Variants in SMAD3 observed in about 807,000 individuals in gnomAD.
SMAD3 encodes SMAD family member 3.
SMAD3 carries 12 observed loss-of-function variants against 51.8 expected under a neutral mutation model. The observed-to-expected ratio is 0.23, with a 90% CI of 0.15 to 0.38. SMAD3 has a LOEUF of 0.38. Ranked by LOEUF, SMAD3 falls within the 10% of genes least tolerant of loss-of-function variation. The pLI, the probability that SMAD3 is intolerant of heterozygous loss-of-function variation, is 1.00. For synonymous variants in SMAD3, 238 were observed against 227.7 expected, an observed-to-expected ratio of 1.05 and a Z score of -0.41; for missense variants, 294 against 565.6, an observed-to-expected ratio of 0.52 and a Z score of 4.87.
intron 4 of SMAD3, among the ~76,000 whole-genome samples, chr15:67,168,279 C>T (rs1333104395): frequency 1.3e-5 from 2 of 152,200 alleles, no homozygotes; most frequent in Admixed American, 1.3e-4. Flanking sequence ...GAAAGAGACT[C>T]GCATGTACAT....
chr15:67,132,812 C>T (rs189073313), intron 1 of SMAD3, among the ~76,000 whole-genome samples: 1 of 152,172 alleles, frequency 6.6e-6, no homozygotes, highest in South Asian at 2.1e-4. Flanking sequence ...GCCGCACTCC[C>T]CACTCATCAC....
intron 1 of SMAD3, among the ~76,000 whole-genome samples, chr15:67,098,360 G>GAGCAAGCA (rs371793630): frequency 4.2e-5 from 5 of 117,984 alleles, no homozygotes; most frequent in African/African-American, 1.1e-4. Flanking sequence ...GAGAGCGAGC[G>GAGCAAGCA]AGCAAGCAAG....
At chr15:67,141,799 C>G (rs909617164) in intron 1 of SMAD3, among the ~76,000 whole-genome samples, 1 of 152,164 alleles carries the variant, frequency 6.6e-6, no homozygotes, top group African/African-American at 2.4e-5. Flanking sequence ...TAAATCTGCT[C>G]TGGTTCATGG....
chr15:67,129,844 T>G (rs576372215), intron 1 of SMAD3, among the ~76,000 whole-genome samples: 1 of 152,356 alleles, frequency 6.6e-6, no homozygotes, highest in African/African-American at 2.4e-5. Context: ...GATGTGTCCT[T>G]TATACTTGTG....
chr15:67,169,863 A>C (rs1370517454), intron 4 of SMAD3, among the ~76,000 whole-genome samples: 2 of 125,696 alleles, frequency 1.6e-5, no homozygotes, highest in African/African-American at 6.2e-5. Flanking sequence ...ATACCATGTG[A>C]GTTCTTTTTT....
chr15:67,171,284 G>A (rs921009848), intron 5 of SMAD3, among the ~76,000 whole-genome samples: 6 of 152,202 alleles, frequency 3.9e-5, no homozygotes, highest in African/African-American at 1.2e-4. Flanking sequence ...ATCTCATGAT[G>A]TTTTGGAGTG....
chr15:67,173,486 T>G (rs889369945), intron 5 of SMAD3, among the ~76,000 whole-genome samples: 8 of 152,128 alleles, frequency 5.3e-5, no homozygotes, highest in African/African-American at 1.9e-4. Flanking sequence ...AAGGGCATTA[T>G]GTGGTCTGAG....
chr15:67,136,328 C>CTTTTTTTTT (rs11355676), intron 1 of SMAD3, among the ~76,000 whole-genome samples: 2 of 137,120 alleles, frequency 1.5e-5, no homozygotes, highest in Non-Finnish European at 3.2e-5. Flanking sequence ...GTCAGTCATT[C>CTTTTTTTTT]TTTTTTTTTT....
intron 1 of SMAD3, among the ~76,000 whole-genome samples, chr15:67,116,635 T>C (rs1227120694): frequency 6.6e-6 from 1 of 152,162 alleles, no homozygotes; most frequent in East Asian, 1.9e-4. Flanking sequence ...CTGCAGGACT[T>C]CAGACAAGGA....
chr15:67,126,677 C>T (rs1006386889), intron 1 of SMAD3, among the ~76,000 whole-genome samples: 3 of 152,228 alleles, frequency 2.0e-5, no homozygotes, highest in African/African-American at 7.2e-5. Flanking sequence ...CACCATGTTC[C>T]AGGGCCCTGG....
At chr15:67,092,881 CT>C (rs1248481198) in intron 1 of SMAD3, among the ~76,000 whole-genome samples, 1 of 152,098 alleles carries the variant, frequency 6.6e-6, no homozygotes, top group Non-Finnish European at 1.5e-5. Context: ...TCTTCTGGAG[CT>C]TTGGGGAAGG....
intron 1 of SMAD3, among the ~76,000 whole-genome samples, chr15:67,117,151 C>G (rs201587572): frequency 2.0e-5 from 3 of 152,078 alleles, no homozygotes; most frequent in East Asian, 1.9e-4. Context: ...TGGCGTGTTT[C>G]GTGGAGTAGC....
At chr15:67,164,193 TG>T (rs1346463257) in intron 1 of SMAD3, among the ~76,000 whole-genome samples, 1 of 148,334 alleles carries the variant, frequency 6.7e-6, no homozygotes, top group East Asian at 2.0e-4. Flanking sequence ...CGGGTGCCTG[TG>T]GTCCCAGCTA....
intron 1 of SMAD3, among the ~76,000 whole-genome samples, chr15:67,069,318 T>C (rs1159493522): frequency 6.6e-6 from 1 of 152,178 alleles, no homozygotes; most frequent in African/African-American, 2.4e-5. Context: ...TCTGGCAGGA[T>C]TGGCAGAATT....
chr15:67,103,140 C>T (rs1280600768), intron 1 of SMAD3, among the ~76,000 whole-genome samples: 1 of 152,196 alleles, frequency 6.6e-6, no homozygotes. Flanking sequence ...ATTTGATTGT[C>T]AACTTCCTTT....
intron 1 of SMAD3, among the ~76,000 whole-genome samples, chr15:67,091,551 G>A (rs919566691): frequency 2.0e-5 from 3 of 152,216 alleles, no homozygotes; most frequent in Non-Finnish European, 4.4e-5. Flanking sequence ...AAAGTACAGG[G>A]ATTGGTTTCC....
rs1439503527 is a variant in SMAD3 at position 67,165,148 on chromosome 15, G to A, written c.400+60G>A. On this transcript the variant is annotated intron_variant, in intron 2 of 8. Coordinates refer to ENST00000327367, the MANE Select transcript of SMAD3 (RefSeq NM_005902.4). ...TGCCAGGGGTCATCACCTCTCCCCG[G>A]CTCCCCATCCCCCCGAGGGTCTGCG... is the stretch of plus-strand genomic sequence containing the variant. The A allele has an allele frequency of 8.3e-6, 13 of 1,575,544 alleles. No individual in the cohort carries two copies. The East Asian group carries it at 2.5e-4, about 30-fold the overall frequency.
Position 67,148,948 on chromosome 15 carries a change from A to T in SMAD3, c.207-15947A>T, listed in dbSNP as rs577136935. ...CTTTCCCTCAAGGAGCTCCTGGCAC[A>T]GTTGGGAAGGGAAGTCAGAAACACA... On this transcript the variant is annotated intron_variant, in intron 1 of 8. Coordinates refer to ENST00000327367, the MANE Select transcript of SMAD3 (RefSeq NM_005902.4). Among the ~76,000 whole-genome samples, 6 of 152,252 alleles carry T rather than the reference A, an allele frequency of 3.9e-5. No individual in the cohort carries two copies. In the South Asian group the frequency reaches 1.2e-3, roughly 32 times the overall value.
chr15:67,072,798 G>A (rs1276587777), intron 1 of SMAD3, among the ~76,000 whole-genome samples: 1 of 152,162 alleles, frequency 6.6e-6, no homozygotes, highest in Non-Finnish European at 1.5e-5. Flanking sequence ...CCATCTTCAA[G>A]CACAATGGTT....
Sources: gnomAD v4.1 joint callset for allele counts (sites outside exome capture counted in the v4.1 genomes callset) on GRCh38, gnomAD v4.1.1 for gene constraint, MANE v1.5 for transcripts, NCBI Gene and HGNC (gene_info 2026-07-23, HGNC 2026-07-21) for gene names.